WLS: variants seen among roughly 807,000 people sequenced by gnomAD.
The protein encoded by WLS is Wnt ligand secretion mediator, also known as protein wntless homolog.
In WLS, 23 loss-of-function variants were observed where a neutral mutation model predicts 62.8. The observed-to-expected ratio is 0.37, with a 90% CI of 0.26 to 0.52. WLS has a LOEUF of 0.52. WLS is among the 20% of genes least tolerant of loss of function. WLS has a pLI of 0.92. For synonymous variants in WLS, 246 were observed against 244.1 expected (o/e 1.01, Z -0.07); for missense variants, 615 against 697.3 (o/e 0.88, Z 1.33).
Position 68,148,616 on chromosome 1 carries a change from G to C in WLS, c.1017C>G (p.Val339=). ...AGAAGGAGCCAACGGCAATGGGTCC[G>C]ACTTGCTTCCAATACCCTGCGATGT... The part of the protein sequence containing the change: ...RNHIAGYWKQ[V]GPIAVGSFCL... The change falls in exon 7 of 12, where the codon GTC becomes GTG. Residue 339 remains valine, a synonymous_variant. Coordinates refer to ENST00000262348, the MANE Select transcript of WLS (RefSeq NM_024911.7). 6.2e-7 allele frequency: 1 copy of C among 1,614,016 alleles called. No individual in the cohort carries two copies. The highest frequency in any genetic ancestry group is 8.5e-7 in the Non-Finnish European group (1 of 1,180,000).
intron 1 of WLS, among the ~76,000 whole-genome samples, chr1:68,220,703 T>C (rs1249073945): frequency 6.6e-6 from 1 of 152,178 alleles, no homozygotes; most frequent in Non-Finnish European, 1.5e-5. Context: ...CACTTATTTT[T>C]ATAGCGTGAC....
intron 2 of WLS, among the ~76,000 whole-genome samples, chr1:68,172,687 C>A (rs1052748849): frequency 6.6e-6 from 1 of 151,946 alleles, no homozygotes; most frequent in Non-Finnish European, 1.5e-5. Flanking sequence ...TCTGGCTCAC[C>A]CTACTGAGAA....
chr1:68,184,801 G>A (rs370478747), intron 2 of WLS, among the ~76,000 whole-genome samples: 1 of 152,174 alleles, frequency 6.6e-6, no homozygotes. Flanking sequence ...TTCACTGAAA[G>A]GTCAATGACT....
intron 1 of WLS, among the ~76,000 whole-genome samples, chr1:68,230,258 T>C (rs905699960): frequency 1.3e-5 from 2 of 152,146 alleles, no homozygotes; most frequent in African/African-American, 4.8e-5. Flanking sequence ...GTTTGCTGCT[T>C]GTGCAAAAAC....
chr1:68,105,300 C>T (rs1217448949), intron 11 of WLS, among the ~76,000 whole-genome samples: 1 of 152,196 alleles, frequency 6.6e-6, no homozygotes, highest in Non-Finnish European at 1.5e-5. Context: ...TTATACTTTG[C>T]ATAACCCTTT....
chr1:68,219,251 C>A (rs1649851651), intron 1 of WLS, among the ~76,000 whole-genome samples: 1 of 152,102 alleles, frequency 6.6e-6, no homozygotes, highest in South Asian at 2.1e-4. Flanking sequence ...AATATATAAC[C>A]CAGACATAAT....
chr1:68,158,738 G>T, intron 3 of WLS, among the ~76,000 whole-genome samples: 1 of 152,224 alleles, frequency 6.6e-6, no homozygotes. Flanking sequence ...AGACTCCCAA[G>T]GTAGGTACTC....
At chr1:68,102,484 T>A (rs1646092277) in intron 11 of WLS, among the ~76,000 whole-genome samples, 1 of 152,178 alleles carries the variant, frequency 6.6e-6, no homozygotes, top group Non-Finnish European at 1.5e-5. Context: ...TCCATGTTTC[T>A]GCACCACAGA....
chr1:68,138,864 T>A (rs1384292837), intron 10 of WLS, among the ~76,000 whole-genome samples: 1 of 152,216 alleles, frequency 6.6e-6, no homozygotes, highest in East Asian at 1.9e-4. Context: ...GGCTGCGTTG[T>A]ATAAACTTTC....
chr1:68,140,485 C>G (rs1007733352), intron 10 of WLS, among the ~76,000 whole-genome samples: 8 of 152,144 alleles, frequency 5.3e-5, no homozygotes, highest in African/African-American at 1.9e-4. Flanking sequence ...GACATAGTAA[C>G]ATATGGTATA....
chr1:68,137,918 A>G lies in WLS; in HGVS notation c.1378T>C (p.Trp460Arg). The G allele has an allele frequency of 6.2e-7, 1 of 1,613,902 alleles. No individual in the cohort carries two copies. Among genetic ancestry groups the G allele is most frequent in the Non-Finnish European group, 8.5e-7 (1 of 1,179,852 alleles). Residue 460 changes from tryptophan to arginine, a missense_variant, in exon 11 of 12, where the codon TGG becomes CGG. Trp to Arg is a moderately radical substitution (Grantham distance 101). Coordinates refer to ENST00000262348, the MANE Select transcript of WLS (RefSeq NM_024911.7). ...FIVSQVTEGHWKWGGVTVQVN... is the reference protein window; with the variant it reads ...FIVSQVTEGHRKWGGVTVQVN... Reference sequence around the variant, plus strand: ...TGGACTGTGACGCCGCCCCATTTCCAATGGCCTTCCGTTACCTGCGGAGAA... The same window carrying G: ...TGGACTGTGACGCCGCCCCATTTCCGATGGCCTTCCGTTACCTGCGGAGAA...
At chr1:68,155,335 T>C (rs1646881825) in intron 3 of WLS, 75 bp from the exon 4 acceptor site, 3 of 1,510,880 alleles carry the variant, frequency 2.0e-6, no homozygotes, top group South Asian at 1.3e-5. Flanking sequence ...TTACCCTGGA[T>C]CCATAACATC....
intron 1 of WLS, among the ~76,000 whole-genome samples, chr1:68,200,120 A>G (rs533192981): frequency 1.3e-4 from 20 of 152,364 alleles, no homozygotes; most frequent in African/African-American, 4.8e-4. Flanking sequence ...AATGACTTAA[A>G]GTAAAAATGG....
intron 8 of WLS, among the ~76,000 whole-genome samples, 192 bp from the exon 9 acceptor site, chr1:68,146,204 A>G (rs1646751022): frequency 6.6e-6 from 1 of 152,230 alleles, no homozygotes; most frequent in Admixed American, 6.5e-5. Flanking sequence ...AGTACCACAG[A>G]GGGAGGTGTT....
chr1:68,099,489 C>T (rs1032549756), intron 11 of WLS, among the ~76,000 whole-genome samples: 6 of 152,230 alleles, frequency 3.9e-5, no homozygotes, highest in Admixed American at 3.3e-4. Context: ...GTCATCCTTC[C>T]GTACCTGTAG....
intron 2 of WLS, among the ~76,000 whole-genome samples, chr1:68,181,389 C>A (rs4655785): frequency 1.3e-5 from 2 of 152,054 alleles, no homozygotes; most frequent in Admixed American, 6.5e-5. Context: ...AGAGAATATC[C>A]TCATTTATAT....
chr1:68,119,531 A>T (rs17130486), intron 11 of WLS, among the ~76,000 whole-genome samples: 5,736 of 152,310 alleles, frequency 0.038, 149 homozygotes, highest in Middle Eastern at 0.11. Flanking sequence ...CTACCTACAA[A>T]GGATGGGAGT....
intron 2 of WLS, among the ~76,000 whole-genome samples, chr1:68,185,321 A>G (rs1647861106): frequency 6.6e-6 from 1 of 152,178 alleles, no homozygotes; most frequent in Non-Finnish European, 1.5e-5. Flanking sequence ...CACTTAACTT[A>G]TGCACGTTAT....
At chr1:68,231,737 G>A (rs1455497351) in intron 1 of WLS, 2 of 464,572 alleles carry the variant, frequency 4.3e-6, no homozygotes, top group African/African-American at 2.0e-5. Flanking sequence ...CAGAGCTCCG[G>A]GTTTGCGCCG....
Sources: gnomAD v4.1 joint callset for allele counts (sites outside exome capture counted in the v4.1 genomes callset) on GRCh38, gnomAD v4.1.1 for gene constraint, MANE v1.5 for transcripts, NCBI Gene and HGNC (gene_info 2026-07-23, HGNC 2026-07-21) for gene names.